Variants in ST3GAL5 observed in about 807,000 individuals in gnomAD.
The protein encoded by ST3GAL5 is lactosylceramide alpha-2,3-sialyltransferase.
ST3GAL5 carries 25 observed loss-of-function variants against 46.1 expected under a neutral mutation model. That is an observed-to-expected ratio of 0.54 (90% CI 0.40 to 0.76). ST3GAL5 has a LOEUF of 0.76. Ranked by LOEUF, ST3GAL5 falls within the 30% of genes least tolerant of loss-of-function variation. The pLI, the probability that ST3GAL5 is intolerant of heterozygous loss-of-function variation, is 0.00. For synonymous variants in ST3GAL5, 182 were observed against 192.7 expected (o/e 0.94, Z 0.46); for missense variants, 431 against 521.2 (o/e 0.83, Z 1.69).
intron 3 of ST3GAL5, among the ~76,000 whole-genome samples, chr2:85,857,066 CAAA>C (rs373154047): frequency 4.2e-5 from 3 of 70,898 alleles, no homozygotes; most frequent in Non-Finnish European, 8.2e-5. Flanking sequence ...CTGCCTCTAC[CAAA>C]AAAAAAAAAA....
chr2:85,844,807 T>C (rs896851483), intron 5 of ST3GAL5: 1 of 550,368 alleles, frequency 1.8e-6, no homozygotes, highest in African/African-American at 1.9e-5. Flanking sequence ...TTGTATTTGT[T>C]TGAGGTAGAC....
chr2:85,882,513 T>C (rs369380568), intron 1 of ST3GAL5, among the ~76,000 whole-genome samples: 1 of 152,052 alleles, frequency 6.6e-6, no homozygotes, highest in Non-Finnish European at 1.5e-5. Context: ...ATGAGAGACA[T>C]GGAGTCAAAG....
chr2:85,847,615 G>A lies in ST3GAL5; in HGVS notation c.662+246C>T, dbSNP rs567640437. On this transcript the variant is annotated intron_variant, in intron 4 of 6. Coordinates refer to ENST00000638572, the MANE Select transcript of ST3GAL5 (RefSeq NM_003896.4). ...CGATGTACCCCAGTCTGGGCAATTC[G>A]GAGAAACCCCATCTCTACTAAAAAT... The A allele has an allele frequency of 3.8e-5, 48 of 1,261,314 alleles. No individual in the cohort carries two copies. The East Asian group carries it at 4.7e-4, about 12-fold the overall frequency. 78.1% of individuals were successfully genotyped at this position (1,261,314 alleles called of 1,614,324 possible).
At chr2:85,886,324 A>G (rs999261266) in intron 1 of ST3GAL5, among the ~76,000 whole-genome samples, 2 of 152,212 alleles carry the variant, frequency 1.3e-5, no homozygotes, top group African/African-American at 4.8e-5. Context: ...AGTCTCAGCT[A>G]CTGAGGAGGC....
rs146542693 is a variant in ST3GAL5, at chr2:85,844,431, A to C, written c.973T>G (p.Ser325Ala). 6.4e-5 allele frequency: 103 copies of C among 1,614,108 alleles called. No homozygotes were observed. Among genetic ancestry groups the C allele is most frequent in the Non-Finnish European group, 8.4e-5 (99 of 1,180,050 alleles). The change falls in exon 6 of 7, where the codon TCA becomes GCA. Residue 325 changes from serine (S) to alanine (A), a missense_variant. Transcript: ENST00000638572. ...KETAFDILQY[S>A]EPQSRFWGRD... is the part of the protein sequence containing the mutation. ...CCCCAGAACCTTGACTGAGGCTCTG[A>C]GTACTGAAGGATGTCAAAGGCAGTC...
intron 6 of ST3GAL5, 144 bp downstream of exon 6, chr2:85,844,252 G>T: frequency 9.9e-7 from 1 of 1,011,914 alleles, no homozygotes; most frequent in Non-Finnish European, 1.5e-6. Context: ...CAAGTGCAGA[G>T]TGGTAAACAC....
At chr2:85,886,240 T>C (rs1296612989) in intron 1 of ST3GAL5, among the ~76,000 whole-genome samples, 1 of 152,154 alleles carries the variant, frequency 6.6e-6, no homozygotes, top group African/African-American at 2.4e-5. Flanking sequence ...GAGACCAGCC[T>C]GGACAACACA....
chr2:85,843,835 C>T (rs914431049), intron 6 of ST3GAL5, among the ~76,000 whole-genome samples: 5 of 152,274 alleles, frequency 3.3e-5, no homozygotes, highest in South Asian at 2.1e-4. Flanking sequence ...AAATAAAAAT[C>T]GTCCACGGAA....
At chr2:85,877,269 A>G (rs1316303427) in intron 1 of ST3GAL5, among the ~76,000 whole-genome samples, 1 of 152,254 alleles carries the variant, frequency 6.6e-6, no homozygotes, top group Admixed American at 6.5e-5. Flanking sequence ...TAGAACAAAA[A>G]TAGCAAGAAT....
chr2:85,868,679 C>T (rs1447150833), intron 1 of ST3GAL5, among the ~76,000 whole-genome samples: 2 of 148,958 alleles, frequency 1.3e-5, no homozygotes, highest in African/African-American at 2.5e-5. Context: ...AGTGCAGTGG[C>T]GTGATCTTGG....
At chr2:85,859,624 G>C (rs1482679757) in intron 3 of ST3GAL5, among the ~76,000 whole-genome samples, 6 of 152,180 alleles carry the variant, frequency 3.9e-5, no homozygotes, top group African/African-American at 1.4e-4. Context: ...CAATAGTTTT[G>C]CAGGAGCCAA....
intron 1 of ST3GAL5, 55 bp downstream of exon 1, chr2:85,888,769 G>A: frequency 8.7e-7 from 1 of 1,151,710 alleles, no homozygotes; most frequent in East Asian, 3.8e-5. Flanking sequence ...AGTCGCCGCC[G>A]CAGCCCCCAG....
At chr2:85,868,833 G>T (rs931171648) in intron 1 of ST3GAL5, among the ~76,000 whole-genome samples, 1 of 152,056 alleles carries the variant, frequency 6.6e-6, no homozygotes, top group Non-Finnish European at 1.5e-5. Flanking sequence ...TGGCCAGGCT[G>T]GTCTCAAACT....
rs1033931934 is a variant in ST3GAL5, at chr2:85,847,980, G to A, written c.543C>T (p.His181=). 12 of 1,613,998 alleles carry A rather than the reference G, an allele frequency of 7.4e-6. No individual in the cohort carries two copies. Among genetic ancestry groups the A allele is most frequent in the South Asian group, 2.2e-5 (2 of 91,082 alleles). The change falls in exon 4 of 7, where the codon CAC becomes CAT. Residue 181 remains histidine (H), a synonymous_variant. Transcript: ENST00000638572. ...VQTLLELLPE[H]DLPEHLKAKT... ...TGGCTTTCAAGTGTTCAGGGAGGTC[G>A]TGCTCTGGCAAGAGTTCCAAGAGGG...
intron 1 of ST3GAL5, among the ~76,000 whole-genome samples, chr2:85,864,287 T>G (rs1558682710): frequency 1.3e-5 from 2 of 152,184 alleles, no homozygotes; most frequent in East Asian, 3.9e-4. Flanking sequence ...GTGAATACAA[T>G]TATCCTAAAC....
chr2:85,844,578 G>C (rs1421503811), intron 5 of ST3GAL5, 24 bp from the exon 6 acceptor site: 2 of 1,613,744 alleles, frequency 1.2e-6, no homozygotes, highest in Non-Finnish European at 1.7e-6. Flanking sequence ...GCAAGCAGTT[G>C]TTAGTCATCC....
chr2:85,876,740 G>A (rs1339440168), intron 1 of ST3GAL5, among the ~76,000 whole-genome samples: 1 of 152,076 alleles, frequency 6.6e-6, no homozygotes, highest in Non-Finnish European at 1.5e-5. Flanking sequence ...TGGGAGGTGT[G>A]AGCCACCACG....
chr2:85,870,921 G>A (rs1356948473), intron 1 of ST3GAL5, among the ~76,000 whole-genome samples: 7 of 151,946 alleles, frequency 4.6e-5, no homozygotes, highest in Non-Finnish European at 8.8e-5. Context: ...CGCCTTGGCC[G>A]CCCAAAGTGC....
At chr2:85,870,889 T>G (rs1188994268) in intron 1 of ST3GAL5, among the ~76,000 whole-genome samples, 1 of 152,012 alleles carries the variant, frequency 6.6e-6, no homozygotes, top group African/African-American at 2.4e-5. Context: ...GGTCTCAAAC[T>G]CCTGACCTCA....
Sources: gnomAD v4.1 joint callset for allele counts (sites outside exome capture counted in the v4.1 genomes callset) on GRCh38, gnomAD v4.1.1 for gene constraint, MANE v1.5 for transcripts, NCBI Gene and HGNC (gene_info 2026-07-23, HGNC 2026-07-21) for gene names.